The following DOCK4 variants were observed in gnomAD, a reference collection of about 807,000 sequenced individuals.
The protein encoded by DOCK4 is dedicator of cytokinesis protein 4.
DOCK4 carries 97 observed loss-of-function variants against 268.1 expected under a neutral mutation model. The ratio of observed to expected loss-of-function variants is 0.36; its 90% CI spans 0.31 to 0.43. The LOEUF is 0.43. DOCK4 is among the 20% of genes least tolerant of loss of function. DOCK4 has a pLI of 1.00. For synonymous variants in DOCK4, 954 were observed against 887.2 expected, an observed-to-expected ratio of 1.08 and a Z score of -1.34; for missense variants, 2,145 against 2,455.7, an observed-to-expected ratio of 0.87 and a Z score of 2.67.
At chr7:111,908,091 G>C (rs946959022) in intron 13 of DOCK4, among the ~76,000 whole-genome samples, 2 of 152,092 alleles carry the variant, frequency 1.3e-5, no homozygotes, top group Non-Finnish European at 2.9e-5. Context: ...TTCTCCAAAA[G>C]AAGGCTTACT....
chr7:112,104,497 GC>G (rs1435044534), intron 1 of DOCK4, among the ~76,000 whole-genome samples: 1 of 152,142 alleles, frequency 6.6e-6, no homozygotes, highest in Non-Finnish European at 1.5e-5. Flanking sequence ...ATGAAACTTG[GC>G]TCTCTGATTG....
chr7:111,903,861 G>C (rs1472387055), intron 13 of DOCK4, among the ~76,000 whole-genome samples: 1 of 152,214 alleles, frequency 6.6e-6, no homozygotes, highest in East Asian at 1.9e-4. Flanking sequence ...CTTGGAGTAA[G>C]TGACACATAA....
At chr7:112,130,885 A>G (rs1438089792) in intron 1 of DOCK4, among the ~76,000 whole-genome samples, 2 of 152,240 alleles carry the variant, frequency 1.3e-5, no homozygotes, top group Non-Finnish European at 2.9e-5. Flanking sequence ...AGTAATTCAC[A>G]GTCTCTGGAA....
At chr7:111,958,169 C>T (rs1262672377) in intron 8 of DOCK4, among the ~76,000 whole-genome samples, 2 of 152,140 alleles carry the variant, frequency 1.3e-5, no homozygotes, top group African/African-American at 4.8e-5. Context: ...CAATCTAAGA[C>T]TTGTAAGCTT....
At chr7:111,785,719 A>C (rs537646398) in intron 32 of DOCK4, among the ~76,000 whole-genome samples, 3 of 152,180 alleles carry the variant, frequency 2.0e-5, no homozygotes, top group Non-Finnish European at 4.4e-5. Flanking sequence ...GAGTCTTTCT[A>C]GGTAACCCGG....
chr7:111,730,178 G>A (rs1794983380), intron 52 of DOCK4, among the ~76,000 whole-genome samples: 1 of 152,162 alleles, frequency 6.6e-6, no homozygotes, highest in African/African-American at 2.4e-5. Flanking sequence ...CAAGGAAAAC[G>A]AGTCCTAAGA....
At chr7:112,154,494 A>G (rs1438138413) in intron 1 of DOCK4, among the ~76,000 whole-genome samples, 1 of 113,294 alleles carries the variant, frequency 8.8e-6, no homozygotes, top group Non-Finnish European at 1.9e-5. Flanking sequence ...GTGATGTTTT[A>G]CATTTGTCAC....
intron 39 of DOCK4, 85 bp from the exon 40 acceptor site, chr7:111,760,407 C>A: frequency 1.5e-6 from 2 of 1,377,142 alleles, no homozygotes; most frequent in South Asian, 2.5e-5. Context: ...CTGGCAGTAA[C>A]TGACCACATG....
At chr7:112,158,036 C>T (rs932620186) in intron 1 of DOCK4, among the ~76,000 whole-genome samples, 1 of 152,122 alleles carries the variant, frequency 6.6e-6, no homozygotes, top group African/African-American at 2.4e-5. Flanking sequence ...TAATACAATA[C>T]TGACTATAAT....
rs1232555310 is a variant in DOCK4 at position 111,844,893 on chromosome 7, T to A, written c.2606A>T (p.Lys869Ile). 1 of 1,607,942 alleles carries A rather than the reference T, an allele frequency of 6.2e-7. No individual in the cohort carries two copies. Among genetic ancestry groups the A allele is most frequent in the African/African-American group, 1.3e-5 (1 of 74,602 alleles). Reference protein sequence around the residue: ...FCLIKKNSSEKSVLEEIDVIV... With the variant: ...FCLIKKNSSEISVLEEIDVIV... ...CACATCTATTTCCTCCAGCACAGAT[T>A]TTTCCTTAAGAGAAAAAAAATAATA... Residue 869 changes from lysine (K) to isoleucine (I), a missense_variant, in exon 25 of 53, where the codon AAA (lysine) becomes ATA (isoleucine). Coordinates refer to ENST00000428084, the MANE Select transcript of DOCK4 (RefSeq NM_001363540.2).
intron 25 of DOCK4, chr7:111,840,923 A>AT: frequency 9.1e-7 from 1 of 1,102,344 alleles, no homozygotes; most frequent in South Asian, 1.3e-5. Context: ...CAGAGAATGG[A>AT]TTTTGTGAAA....
chr7:111,921,541 G>A (rs1041164907), intron 12 of DOCK4, among the ~76,000 whole-genome samples: 6 of 152,124 alleles, frequency 3.9e-5, no homozygotes, highest in Non-Finnish European at 7.4e-5. Flanking sequence ...AATGCACAGC[G>A]ATGCAAAAAT....
intron 23 of DOCK4, among the ~76,000 whole-genome samples, chr7:111,856,738 C>A (rs141767771): frequency 6.6e-6 from 1 of 152,016 alleles, no homozygotes; most frequent in African/African-American, 2.4e-5. Flanking sequence ...GAGGGGAATA[C>A]GGGTAAGCGG....
At chr7:111,770,075 T>A (rs1415504654) in intron 36 of DOCK4, among the ~76,000 whole-genome samples, 1 of 151,730 alleles carries the variant, frequency 6.6e-6, no homozygotes, top group Non-Finnish European at 1.5e-5. Flanking sequence ...ACTATGAGCA[T>A]CCCCCAAAGG....
intron 30 of DOCK4, 103 bp downstream of exon 30, chr7:111,808,718 G>A (rs1278885278): frequency 1.8e-6 from 2 of 1,126,228 alleles, no homozygotes; most frequent in Non-Finnish European, 2.6e-6. Context: ...TTAGACATTT[G>A]GTTTCACATG....
chr7:112,189,544 T>G (rs112891358), intron 1 of DOCK4, among the ~76,000 whole-genome samples: 4,830 of 152,212 alleles, frequency 0.032, 103 homozygotes, highest in Middle Eastern at 0.082. Flanking sequence ...TATTAAAAAT[T>G]TATACCTACA....
At chr7:112,097,550 T>C (rs1451044601) in intron 1 of DOCK4, among the ~76,000 whole-genome samples, 1 of 151,680 alleles carries the variant, frequency 6.6e-6, no homozygotes, top group Admixed American at 6.6e-5. Flanking sequence ...AAGATCCTGA[T>C]CCAAAAACAA....
intron 40 of DOCK4, among the ~76,000 whole-genome samples, chr7:111,759,291 C>T (rs1773016522): frequency 6.6e-6 from 1 of 152,220 alleles, no homozygotes; most frequent in South Asian, 2.1e-4. Flanking sequence ...GTGTGATTAT[C>T]TGTGTCCCTA....
At chr7:112,052,949 G>C (rs990624306) in intron 1 of DOCK4, among the ~76,000 whole-genome samples, 2 of 152,118 alleles carry the variant, frequency 1.3e-5, no homozygotes, top group East Asian at 3.9e-4. Flanking sequence ...CCAGTTTGTA[G>C]TTCTGGTTTC....
Sources: gnomAD v4.1 joint callset for allele counts (sites outside exome capture counted in the v4.1 genomes callset) on GRCh38, gnomAD v4.1.1 for gene constraint, MANE v1.5 for transcripts, NCBI Gene and HGNC (gene_info 2026-07-23, HGNC 2026-07-21) for gene names.